The following ANKIB1 variants were observed in gnomAD, a reference collection of about 807,000 sequenced individuals.
ANKIB1 encodes the protein ankyrin repeat and IBR domain-containing protein 1.
ANKIB1 carries 43 observed loss-of-function variants against 122.1 expected under a neutral mutation model. That is an observed-to-expected ratio of 0.35 (90% CI 0.28 to 0.45). The LOEUF (loss-of-function observed/expected upper bound fraction) is 0.45, where lower values mean the gene tolerates loss of function less well. Among genes scored for constraint, ANKIB1 ranks in the 20% least tolerant of loss-of-function variants. The pLI, the probability that ANKIB1 is intolerant of heterozygous loss-of-function variation, is 1.00. For synonymous variants in ANKIB1, 390 were observed against 442.0 expected, an observed-to-expected ratio of 0.88 and a Z score of 1.48; for missense variants, 992 against 1,329.5, an observed-to-expected ratio of 0.75 and a Z score of 3.95.
intron 3 of ANKIB1, among the ~76,000 whole-genome samples, chr7:92,312,490 G>A (rs1315057396): frequency 1.3e-5 from 2 of 152,116 alleles, no homozygotes; most frequent in East Asian, 3.8e-4. Context: ...CCTGAAAGCA[G>A]CCACAGACAA....
chr7:92,357,302 C>A (rs1803835552), intron 9 of ANKIB1, among the ~76,000 whole-genome samples: 1 of 152,080 alleles, frequency 6.6e-6, no homozygotes, highest in Non-Finnish European at 1.5e-5. Flanking sequence ...CTATTGGTGT[C>A]TCTGGCTGAG....
chr7:92,341,171 G>T (rs994537291), intron 5 of ANKIB1, among the ~76,000 whole-genome samples: 7 of 152,142 alleles, frequency 4.6e-5, no homozygotes, highest in African/African-American at 1.7e-4. Context: ...TTAGCCTGGA[G>T]TGGTGGCACA....
chr7:92,363,136 C>T (rs981551712), intron 10 of ANKIB1, among the ~76,000 whole-genome samples: 3 of 151,742 alleles, frequency 2.0e-5, no homozygotes, highest in African/African-American at 7.3e-5. Context: ...AGGGGCCGGG[C>T]GCAGGGGCTC....
In ANKIB1 at chr7:92,294,883, C is replaced by A; in HGVS notation, c.-90-6C>A. On this transcript the variant is annotated splice_polypyrimidine_tract_variant and splice_region_variant and intron_variant, in intron 1 of 19. Transcript: ENST00000265742. ...AATCTAATTTGAATAACTTTTCCTT[C>A]ATTAGAATGTGAAAGATGTTGCAGA... The A allele has an allele frequency of 1.2e-6, 1 of 814,978 alleles. No individual in the cohort carries two copies. The highest frequency in any genetic ancestry group is 2.8e-5 in the East Asian group (1 of 35,594). The allele number at this position is 814,978 out of a possible 1,614,324, so 50.5% of individuals were successfully genotyped here. A position where few individuals can be genotyped will look rare whatever the true frequency, so the allele number is the denominator to read the frequency against.
rs186761359 is a variant in ANKIB1 at position 92,306,173 on chromosome 7, A to G, written c.189-1186A>G. On this transcript the variant is annotated intron_variant, in intron 2 of 19. Coordinates refer to ENST00000265742, the MANE Select transcript of ANKIB1 (RefSeq NM_019004.2). ...TGTTGCTGCTGTCACAAAGTGCCAC[A>G]AATTAGTGGCTTAAAACAACACAAA... Among the ~76,000 whole-genome samples the G allele has an allele frequency of 8.4e-3, 1,285 of 152,230 alleles. 9 individuals carry two copies. The highest frequency in any genetic ancestry group is 0.017 in the South Asian group (81 of 4,812).
intron 1 of ANKIB1, among the ~76,000 whole-genome samples, chr7:92,247,680 G>T (rs1203058778): frequency 6.6e-6 from 1 of 152,112 alleles, no homozygotes; most frequent in African/African-American, 2.4e-5. Flanking sequence ...GTCAGTGATT[G>T]GACAATAGCT....
intron 3 of ANKIB1, among the ~76,000 whole-genome samples, chr7:92,312,958 G>T (rs1429728045): frequency 6.6e-6 from 1 of 152,112 alleles, no homozygotes; most frequent in Non-Finnish European, 1.5e-5. Flanking sequence ...GCATGGCTTA[G>T]TAAAACATCC....
Position 92,306,086 on chromosome 7 carries a change from C to T in ANKIB1, c.189-1273C>T, listed in dbSNP as rs1022052133. 5.0e-5 allele frequency among the ~76,000 whole-genome samples: 6 copies of T among 119,046 alleles called. No individual in the cohort carries two copies. In the East Asian group the frequency reaches 1.7e-3, roughly 35 times the overall value. The allele number at this position is 119,046 out of a possible 152,430, so 78.1% of individuals were successfully genotyped here. A position where few individuals can be genotyped will look rare whatever the true frequency, so the allele number is the denominator to read the frequency against. ...CAAGAGGGGAGGAGGTCTGTTAATA[C>T]AAGCCTTCTTCTATAACATCCCAGA... On this transcript the variant is annotated intron_variant, in intron 2 of 19. Coordinates refer to ENST00000265742, the MANE Select transcript of ANKIB1 (RefSeq NM_019004.2).
intron 11 of ANKIB1, among the ~76,000 whole-genome samples, chr7:92,382,254 C>T (rs566128255): frequency 6.6e-6 from 1 of 152,100 alleles, no homozygotes; most frequent in South Asian, 2.1e-4. Flanking sequence ...CCTGAGAGAC[C>T]TAAAAAGAGA....
chr7:92,279,670 G>A (rs1801978625), intron 1 of ANKIB1, among the ~76,000 whole-genome samples: 1 of 152,168 alleles, frequency 6.6e-6, no homozygotes, highest in African/African-American at 2.4e-5. Flanking sequence ...ACAGCATGAG[G>A]TTTTAGCTAA....
intron 12 of ANKIB1, 114 bp downstream of exon 12, chr7:92,386,757 TTA>T (rs1804661209): frequency 2.0e-6 from 2 of 1,014,490 alleles, no homozygotes; most frequent in Non-Finnish European, 1.3e-6. Flanking sequence ...TGAATATACT[TTA>T]TTATAGCCTT....
chr7:92,397,421 G>A (rs1166822724), intron 18 of ANKIB1, among the ~76,000 whole-genome samples: 2 of 151,878 alleles, frequency 1.3e-5, no homozygotes, highest in Non-Finnish European at 2.9e-5. Context: ...AGGAGGCAGA[G>A]GTTGCAGTGA....
In ANKIB1 at chr7:92,386,495, G is replaced by T. The variant is rs181565499; in HGVS notation, c.1618-14G>T. ...AATATGGGGAGATGTTTTCATCTGT[G>T]TTTTCTTTTGAAGTGCAAGTATGAC... is the stretch of plus-strand genomic sequence containing the variant. On this transcript the variant is annotated splice_polypyrimidine_tract_variant and intron_variant, in intron 11 of 19. Coordinates refer to ENST00000265742, the MANE Select transcript of ANKIB1 (RefSeq NM_019004.2). The T allele has an allele frequency of 2.8e-5, 44 of 1,579,140 alleles. No homozygotes were observed. The highest frequency in any genetic ancestry group is 3.0e-5 in the Non-Finnish European group (35 of 1,165,870).
Position 92,343,179 on chromosome 7 carries a change from G to A in ANKIB1, c.943G>A (p.Val315Ile). The stretch of plus-strand genomic sequence containing the variant: ...AACTCCAAGGACTACACGCTCTTCT[G>A]TCACCTCCCCAGATGAAATCAGCTT... ...PRTPRTTRSS[V>I]TSPDEISLSP... Residue 315 changes from valine to isoleucine, a missense_variant, in exon 6 of 20, where the codon GTC (valine) becomes ATC (isoleucine). Physicochemically the swap from Val to Ile is conservative, Grantham distance 29 (BLOSUM62 3). Coordinates refer to ENST00000265742, the MANE Select transcript of ANKIB1 (RefSeq NM_019004.2). 6 of 1,613,964 alleles carry A rather than the reference G, an allele frequency of 3.7e-6. No homozygotes were observed. The highest frequency in any genetic ancestry group is 4.2e-6 in the Non-Finnish European group (5 of 1,179,876).
intron 7 of ANKIB1, among the ~76,000 whole-genome samples, chr7:92,348,761 A>T (rs554728783): frequency 6.6e-6 from 1 of 152,312 alleles, no homozygotes; most frequent in African/African-American, 2.4e-5. Context: ...ATGGATAAGG[A>T]TCTACCAGAG....
chr7:92,274,840 T>C (rs1416353611), intron 1 of ANKIB1, among the ~76,000 whole-genome samples: 1 of 152,154 alleles, frequency 6.6e-6, no homozygotes, highest in Non-Finnish European at 1.5e-5. Flanking sequence ...AGCAGGAGGA[T>C]AGCCCGAGCC....
intron 3 of ANKIB1, among the ~76,000 whole-genome samples, chr7:92,309,942 A>AAAAAAAAAAAAAAAAATATATATATATAT (rs1335765681): frequency 4.4e-5 from 4 of 91,780 alleles, no homozygotes; most frequent in Non-Finnish European, 8.1e-5. Flanking sequence ...AAAAAAAAAA[A>AAAAAAAAAAAAAAAAATATATATATATAT]ATATATATAT....
intron 1 of ANKIB1, among the ~76,000 whole-genome samples, chr7:92,264,061 G>T (rs894689241): frequency 2.0e-5 from 3 of 151,504 alleles, no homozygotes; most frequent in African/African-American, 7.3e-5. Flanking sequence ...GTGTTCCATT[G>T]TATGATTAAC....
intron 2 of ANKIB1, among the ~76,000 whole-genome samples, chr7:92,297,899 C>T (rs1422165395): frequency 6.6e-6 from 1 of 152,018 alleles, no homozygotes; most frequent in African/African-American, 2.4e-5. Flanking sequence ...ATTGACTTCC[C>T]TCTTGCTTTT....
Sources: allele counts gnomAD v4.1 joint callset (sites outside exome capture counted in the v4.1 genomes callset), GRCh38; gene constraint gnomAD v4.1.1; transcripts MANE v1.5; gene names NCBI Gene and HGNC (gene_info 2026-07-23, HGNC 2026-07-21).